CTNNA3: variants seen among roughly 807,000 people sequenced by gnomAD.
CTNNA3 encodes the protein catenin alpha-3.
A neutral mutation model predicts 95.7 loss-of-function variants in CTNNA3; 76 were observed. The observed-to-expected ratio is 0.79, with a 90% CI of 0.66 to 0.96. The LOEUF (loss-of-function observed/expected upper bound fraction) is 0.96. Among genes scored for constraint, CTNNA3 ranks in the 40% least tolerant of loss-of-function variants. CTNNA3 has a pLI of 0.00. For missense variants in CTNNA3, 1,191 were observed against 1,089.8 expected, an observed-to-expected ratio of 1.09 and a Z score of -1.31; for synonymous variants, 431 against 374.4, an observed-to-expected ratio of 1.15 and a Z score of -1.74.
intron 9 of CTNNA3, among the ~76,000 whole-genome samples, chr10:66,640,732 G>A (rs566814773): frequency 1.6e-4 from 25 of 152,208 alleles, no homozygotes; most frequent in South Asian, 1.0e-3. Context: ...CCCCAGGGAA[G>A]AATTTTTCCC....
chr10:66,831,507 AT>A (rs1457774902), intron 7 of CTNNA3, among the ~76,000 whole-genome samples: 1 of 152,096 alleles, frequency 6.6e-6, no homozygotes, highest in Non-Finnish European at 1.5e-5. Flanking sequence ...CTTTTCTGGG[AT>A]GCTTTCTCTG....
intron 5 of CTNNA3, among the ~76,000 whole-genome samples, chr10:67,462,929 G>C (rs1847439570): frequency 6.7e-6 from 1 of 149,196 alleles, no homozygotes; most frequent in African/African-American, 2.5e-5. Context: ...TTTTGAGATG[G>C]AGTCTCGCTC....
At chr10:66,651,347 T>C (rs1227198255) in intron 9 of CTNNA3, among the ~76,000 whole-genome samples, 2 of 152,176 alleles carry the variant, frequency 1.3e-5, no homozygotes, top group Non-Finnish European at 2.9e-5. Flanking sequence ...ATCCTCCAGC[T>C]AGACAAAAAA....
In CTNNA3 at chr10:66,645,915, T is replaced by G. The variant is rs561086818; in HGVS notation, c.1282-24131A>C. Among the ~76,000 whole-genome samples the G allele has an allele frequency of 1.2e-4, 19 of 152,346 alleles. No homozygotes were observed. In the South Asian group the frequency reaches 3.7e-3, roughly 30 times the overall value. The stretch of plus-strand genomic sequence containing the variant: ...TGCCCTATTCTGTTCCATTGATCTA[T>G]GTGTCTATGCTCTGGCAATGTCACA... On this transcript the variant is annotated intron_variant, in intron 9 of 17. Transcript: ENST00000433211.
chr10:66,587,680 C>T (rs1843406215), intron 10 of CTNNA3, among the ~76,000 whole-genome samples: 1 of 152,180 alleles, frequency 6.6e-6, no homozygotes. Context: ...GGTTAGCAAG[C>T]AGCAGTAAGC....
At chr10:67,698,249 A>AG (rs147088597), upstream of CTNNA3, among the ~76,000 whole-genome samples, 8 of 151,560 alleles carry the variant, frequency 5.3e-5, no homozygotes, top group African/African-American at 1.2e-4. Context: ...GGAAAAAAAA[A>AG]AGAGAGAAAA....
intron 11 of CTNNA3, among the ~76,000 whole-genome samples, chr10:66,432,004 A>C (rs1264715429): frequency 3.9e-5 from 6 of 152,110 alleles, no homozygotes; most frequent in Non-Finnish European, 8.8e-5. Flanking sequence ...CTAGTACAAT[A>C]TTAAATTAAT....
intron 7 of CTNNA3, among the ~76,000 whole-genome samples, chr10:67,109,715 C>T (rs568550965): frequency 2.6e-5 from 4 of 152,192 alleles, no homozygotes; most frequent in South Asian, 2.1e-4. Context: ...CAGTGGCCTG[C>T]GCCTCTAGTC....
chr10:67,005,703 T>TTTTTTTTTTTTTTTTTTGTTG (rs1417141930), intron 7 of CTNNA3, among the ~76,000 whole-genome samples: 1 of 136,146 alleles, frequency 7.3e-6, no homozygotes, highest in African/African-American at 2.9e-5. Flanking sequence ...TTTTTTTTTT[T>TTTTTTTTTTTTTTTTTTGTTG]GAGACGGAGT....
chr10:67,079,181 T>G (rs1035051941), intron 7 of CTNNA3, among the ~76,000 whole-genome samples: 3 of 152,210 alleles, frequency 2.0e-5, no homozygotes, highest in Non-Finnish European at 2.9e-5. Flanking sequence ...CTGTATTTTT[T>G]GTGTGGGGAT....
chr10:66,731,306 T>G (rs924361075), intron 9 of CTNNA3, among the ~76,000 whole-genome samples: 1 of 152,216 alleles, frequency 6.6e-6, no homozygotes, highest in Non-Finnish European at 1.5e-5. Flanking sequence ...ACAATATTGC[T>G]AATGAATTGG....
intron 4 of CTNNA3, among the ~76,000 whole-genome samples, chr10:67,523,028 G>A (rs886377964): frequency 7.2e-5 from 11 of 152,088 alleles, no homozygotes; most frequent in Non-Finnish European, 1.6e-4. Context: ...AGTTTCCAGG[G>A]AAATGATTTG....
At chr10:67,364,935 G>A (rs1016608771) in intron 5 of CTNNA3, among the ~76,000 whole-genome samples, 2 of 152,064 alleles carry the variant, frequency 1.3e-5, no homozygotes, top group Non-Finnish European at 2.9e-5. Context: ...TAAGCAAAAA[G>A]AACAAAGTTG....
intron 13 of CTNNA3, among the ~76,000 whole-genome samples, chr10:66,113,462 C>A (rs11815893): frequency 0.1 from 15,396 of 152,090 alleles, 994 homozygotes; most frequent in African/African-American, 0.18. Context: ...TGCAAAACTT[C>A]TTACAACATA....
chr10:66,884,690 A>T (rs1402800426), intron 7 of CTNNA3, among the ~76,000 whole-genome samples: 1 of 152,172 alleles, frequency 6.6e-6, no homozygotes, highest in Non-Finnish European at 1.5e-5. Flanking sequence ...CTGTGAGATA[A>T]TAAATATGTT....
rs1554895541 is a variant in CTNNA3, at chr10:66,222,686, A to AGGGAGGGAGGAAGGAAGGGC, written c.1884+57783_1884+57784insGCCCTTCCTTCCTCCCTCCC. Among the ~76,000 whole-genome samples, 161 of 149,866 alleles carry AGGGAGGGAGGAAGGAAGGGC rather than the reference A, an allele frequency of 1.1e-3. No individual in the cohort carries two copies. In the South Asian group the frequency reaches 0.014, roughly 13 times the overall value. ...AAGGAAGGGAGGGATGGAGGAAGGA[A>AGGGAGGGAGGAAGGAAGGGC]GGGAGGGAGGAAGGAAAGGGAAGGG... On this transcript the variant is annotated intron_variant, in intron 13 of 17. Transcript: ENST00000433211.
At position 67,225,250 on chromosome 10, in the gene CTNNA3, G is replaced by A. The variant is rs140946568; in HGVS notation, c.580-5380C>T. Reference sequence around the variant, plus strand: ...CCAAGGACAGTCTCAGCTCAGACACGCCTAGCTCTGTCCCTATTTGATGGT... The same window carrying A: ...CCAAGGACAGTCTCAGCTCAGACACACCTAGCTCTGTCCCTATTTGATGGT... On this transcript the variant is annotated intron_variant, in intron 5 of 17. Transcript: ENST00000433211. Among the ~76,000 whole-genome samples, 1,232 of 152,212 alleles carry A rather than the reference G, an allele frequency of 8.1e-3. 17 individuals carry two copies. The highest frequency in any genetic ancestry group is 0.028 in the African/African-American group (1,148 of 41,522).
At position 67,654,015 on chromosome 10, in the gene CTNNA3, A is replaced by G. The variant is rs527363171; in HGVS notation, c.-5-6497T>C. Among the ~76,000 whole-genome samples, 19 of 152,320 alleles carry G rather than the reference A, an allele frequency of 1.2e-4. No homozygotes were observed. The South Asian group carries it at 3.9e-3, about 32-fold the overall frequency. On this transcript the variant is annotated intron_variant, in intron 1 of 17. Transcript: ENST00000433211. Reference sequence around the variant, plus strand: ...GGTAGCCAAAAGGCAGCTGTTTGCCAATGAGTGCAGATTGAGTTTGGGTGT... The same window carrying G: ...GGTAGCCAAAAGGCAGCTGTTTGCCGATGAGTGCAGATTGAGTTTGGGTGT...
At chr10:67,289,447 A>AGGG (rs1323415732) in intron 5 of CTNNA3, among the ~76,000 whole-genome samples, 1 of 152,200 alleles carries the variant, frequency 6.6e-6, no homozygotes, top group African/African-American at 2.4e-5. Flanking sequence ...AACTAGGATC[A>AGGG]GGGTAATTAC....
Sources: allele counts gnomAD v4.1 joint callset (sites outside exome capture counted in the v4.1 genomes callset), GRCh38; gene constraint gnomAD v4.1.1; transcripts MANE v1.5; gene names NCBI Gene and HGNC (gene_info 2026-07-23, HGNC 2026-07-21).